The following CR1 variants were observed in gnomAD, a reference collection of about 807,000 sequenced individuals.
CR1 encodes the protein complement C3b/C4b receptor 1 (Knops blood group).
A neutral mutation model predicts 187.3 loss-of-function variants in CR1; 116 were observed. The ratio of observed to expected loss-of-function variants is 0.62; its 90% CI spans 0.53 to 0.72. CR1 has a LOEUF of 0.72. CR1 is among the 30% of genes least tolerant of loss of function. CR1 has a pLI of 0.00. For missense variants in CR1, 1,731 were observed against 2,110.7 expected (o/e 0.82, Z 3.52); for synonymous variants, 576 against 747.1 (o/e 0.77, Z 3.73).
At chr1:207,629,156 C>G (rs1314861470) in intron 45 of CR1, among the ~76,000 whole-genome samples, 1 of 152,140 alleles carries the variant, frequency 6.6e-6, no homozygotes, top group Non-Finnish European at 1.5e-5. Context: ...CCATTATTGC[C>G]TCTTGTTACT....
chr1:207,612,190 A>G (rs187131891), intron 39 of CR1, 149 bp downstream of exon 39: 2 of 885,976 alleles, frequency 2.3e-6, no homozygotes, highest in East Asian at 2.5e-5. Flanking sequence ...AAATAAGGGT[A>G]GGGACTAAGT....
At chr1:207,514,076 A>G (rs1037631520) in intron 4 of CR1, among the ~76,000 whole-genome samples, 34 of 152,260 alleles carry the variant, frequency 2.2e-4, no homozygotes, top group African/African-American at 8.2e-4. Context: ...AGTTACATAT[A>G]TTGATGTAAT....
At chr1:207,526,414 G>A (rs3844496) in intron 5 of CR1, among the ~76,000 whole-genome samples, 51,343 of 147,294 alleles carry the variant, frequency 0.35, 11,722 homozygotes, top group African/African-American at 0.64. Context: ...ATGAAGATAC[G>A]AAAATCCATC....
intron 36 of CR1, 62 bp downstream of exon 36, chr1:207,607,398 C>A: frequency 1.6e-6 from 2 of 1,262,430 alleles, no homozygotes; most frequent in Non-Finnish European, 2.3e-6. Context: ...CCCTGGAGTA[C>A]AAAGAATAAA....
At chr1:207,596,616 A>G (rs1661449408) in intron 35 of CR1, among the ~76,000 whole-genome samples, 1 of 151,648 alleles carries the variant, frequency 6.6e-6, no homozygotes, top group African/African-American at 2.4e-5. Flanking sequence ...CTCTGTCTCA[A>G]AAAATAATAA....
At chr1:207,604,418 G>A (rs544986146) in intron 35 of CR1, among the ~76,000 whole-genome samples, 2 of 152,256 alleles carry the variant, frequency 1.3e-5, no homozygotes, top group South Asian at 2.1e-4. Context: ...TCAGAAACAC[G>A]TTTGCCTAAA....
At chr1:207,510,853 G>T (rs1201807311) in intron 3 of CR1, among the ~76,000 whole-genome samples, 3 of 136,440 alleles carry the variant, frequency 2.2e-5, no homozygotes, top group African/African-American at 5.6e-5. Context: ...ACAATGTCTT[G>T]CTTTGTTGCC....
At chr1:207,614,096 G>C (rs1301822222) in intron 39 of CR1, among the ~76,000 whole-genome samples, 3 of 152,208 alleles carry the variant, frequency 2.0e-5, no homozygotes, top group Non-Finnish European at 4.4e-5. Context: ...GTATGGTTCT[G>C]TGTTCATGCC....
intron 3 of CR1, among the ~76,000 whole-genome samples, chr1:207,511,299 A>T (rs1323453522): frequency 6.6e-6 from 1 of 152,238 alleles, no homozygotes; most frequent in Non-Finnish European, 1.5e-5. Context: ...AATGAAATTT[A>T]TAGGAAAAAC....
intron 28 of CR1, among the ~76,000 whole-genome samples, chr1:207,575,911 A>C (rs1358949954): frequency 6.6e-6 from 1 of 151,876 alleles, no homozygotes; most frequent in African/African-American, 2.4e-5. Flanking sequence ...TCTTTAGCTC[A>C]TTTAACCAGC....
At chr1:207,629,988 ATTG>A (rs1662592893) in intron 45 of CR1, among the ~76,000 whole-genome samples, 1 of 152,190 alleles carries the variant, frequency 6.6e-6, no homozygotes, top group Non-Finnish European at 1.5e-5. Context: ...TTTACACATG[ATTG>A]TTATTACTGA....
intron 4 of CR1, among the ~76,000 whole-genome samples, chr1:207,517,373 A>G (rs1231483425): frequency 6.6e-5 from 10 of 152,030 alleles, no homozygotes; most frequent in African/African-American, 2.2e-4. Context: ...CCTCACTTTG[A>G]TCATTGTATC....
At chr1:207,625,498 C>T (rs1381318351) in intron 45 of CR1, among the ~76,000 whole-genome samples, 2 of 152,218 alleles carry the variant, frequency 1.3e-5, no homozygotes, top group African/African-American at 4.8e-5. Context: ...TTGTAACTGC[C>T]TGATGTGTTC....
chr1:207,565,487 A>G (rs1486777379), intron 23 of CR1, among the ~76,000 whole-genome samples: 1 of 150,190 alleles, frequency 6.7e-6, no homozygotes, highest in African/African-American at 2.5e-5. Flanking sequence ...GGAAGGCATT[A>G]CATTAGAAGA....
chr1:207,587,692 A>T, intron 34 of CR1, 127 bp downstream of exon 34: 1 of 821,874 alleles, frequency 1.2e-6, no homozygotes, highest in South Asian at 2.2e-5. Context: ...TGAACTCAGG[A>T]GTTCGCAACC....
At chr1:207,615,953 G>A (rs1229968175) in intron 40 of CR1, among the ~76,000 whole-genome samples, 3 of 151,988 alleles carry the variant, frequency 2.0e-5, no homozygotes. Context: ...TTGCTTTTAG[G>A]GAAGGAACTG....
At chr1:207,497,625 A>G (rs1431534870) in intron 1 of CR1, among the ~76,000 whole-genome samples, 1 of 152,212 alleles carries the variant, frequency 6.6e-6, no homozygotes, top group Non-Finnish European at 1.5e-5. Flanking sequence ...AAAACGTACA[A>G]TCTTATTTTT....
At chr1:207,639,266 T>C in intron 46 of CR1, 131 bp from the exon 47 acceptor site, 2 of 739,754 alleles carry the variant, frequency 2.7e-6, no homozygotes, top group South Asian at 1.9e-5. Context: ...TTCTAACTTG[T>C]CCTCCTAAAG....
chr1:207,578,580 A>G (rs1286971992), intron 29 of CR1, among the ~76,000 whole-genome samples: 1 of 152,216 alleles, frequency 6.6e-6, no homozygotes, highest in Non-Finnish European at 1.5e-5. Context: ...ACACTTTGAA[A>G]TTGTGCTATT....
Sources: gnomAD v4.1 joint callset for allele counts (sites outside exome capture counted in the v4.1 genomes callset) on GRCh38, gnomAD v4.1.1 for gene constraint, MANE v1.5 for transcripts, NCBI Gene and HGNC (gene_info 2026-07-23, HGNC 2026-07-21) for gene names.